The following COG5 variants were observed in gnomAD, a reference collection of about 807,000 sequenced individuals.
The protein encoded by COG5 is component of oligomeric golgi complex 5.
A neutral mutation model predicts 110.4 loss-of-function variants in COG5; 86 were observed. The observed-to-expected ratio is 0.78, with a 90% CI of 0.65 to 0.93. The LOEUF is 0.93. Among genes scored for constraint, COG5 ranks in the 40% least tolerant of loss-of-function variants. The pLI, the probability that COG5 is intolerant of heterozygous loss-of-function variation, is 0.00. For synonymous variants in COG5, 360 were observed against 334.6 expected (o/e 1.08, Z -0.83); for missense variants, 1,077 against 987.0 (o/e 1.09, Z -1.22).
chr7:107,476,879 C>T (rs1397978732), intron 6 of COG5, among the ~76,000 whole-genome samples: 1 of 151,258 alleles, frequency 6.6e-6, no homozygotes, highest in East Asian at 1.9e-4. Context: ...TACTGAATAC[C>T]CTAATCCTTG....
At chr7:107,240,768 G>C (rs937994103) in intron 17 of COG5, among the ~76,000 whole-genome samples, 1 of 152,158 alleles carries the variant, frequency 6.6e-6, no homozygotes, top group Admixed American at 6.5e-5. Flanking sequence ...TGCCATTACA[G>C]AATTACTAAT....
intron 17 of COG5, among the ~76,000 whole-genome samples, chr7:107,242,013 C>G (rs1343606080): frequency 1.3e-5 from 2 of 151,918 alleles, no homozygotes; most frequent in East Asian, 3.9e-4. Flanking sequence ...AATTCCTGAG[C>G]TCAAGCAGTC....
chr7:107,384,651 C>A (rs919174438), intron 7 of COG5, among the ~76,000 whole-genome samples: 3 of 152,104 alleles, frequency 2.0e-5, no homozygotes, highest in African/African-American at 7.2e-5. Context: ...AATGTCATGA[C>A]AAGGGGTTGG....
chr7:107,439,961 A>C (rs1044761983), intron 6 of COG5, among the ~76,000 whole-genome samples: 1 of 152,184 alleles, frequency 6.6e-6, no homozygotes, highest in African/African-American at 2.4e-5. Flanking sequence ...TAATCGACAC[A>C]CTGTCTACCC....
chr7:107,227,093 A>G (rs1335286632), intron 19 of COG5, among the ~76,000 whole-genome samples: 3 of 152,202 alleles, frequency 2.0e-5, no homozygotes, highest in Non-Finnish European at 4.4e-5. Flanking sequence ...CTGTCACTAG[A>G]GCAACTAAAG....
At chr7:107,466,834 T>G (rs1040684563) in intron 6 of COG5, among the ~76,000 whole-genome samples, 4 of 152,226 alleles carry the variant, frequency 2.6e-5, no homozygotes, top group African/African-American at 9.6e-5. Context: ...AAACTGATTT[T>G]CAGCAATTAA....
chr7:107,308,765 T>C (rs983590632), intron 11 of COG5, among the ~76,000 whole-genome samples: 4 of 152,142 alleles, frequency 2.6e-5, no homozygotes, highest in African/African-American at 9.7e-5. Flanking sequence ...TATTTCTTTA[T>C]TTGTATCACT....
chr7:107,530,063 A>T (rs1407104789), intron 5 of COG5, among the ~76,000 whole-genome samples: 1 of 152,210 alleles, frequency 6.6e-6, no homozygotes, highest in Non-Finnish European at 1.5e-5. Context: ...TACCCAACAA[A>T]GGGTATGCTC....
At chr7:107,301,359 A>T (rs963549880) in intron 11 of COG5, among the ~76,000 whole-genome samples, 2 of 152,198 alleles carry the variant, frequency 1.3e-5, no homozygotes, top group African/African-American at 4.8e-5. Flanking sequence ...CATATATCTG[A>T]TGAAGCACTT....
chr7:107,205,293 T>C lies in COG5; in HGVS notation c.2376-1663A>G, dbSNP rs561912833. ...ATTCCTGAAGGCTGGTTCCATGCTC[T>C]GGTCAGTGCCTAGACTCAACCCAAC... On this transcript the variant is annotated intron_variant, in intron 21 of 21. Transcript: ENST00000297135. Among the ~76,000 whole-genome samples the C allele has an allele frequency of 2.0e-5, 3 of 152,332 alleles. No individual in the cohort carries two copies. The East Asian group carries it at 5.8e-4, about 29-fold the overall frequency.
chr7:107,205,022 C>A (rs1218717375), intron 21 of COG5, among the ~76,000 whole-genome samples: 2 of 152,212 alleles, frequency 1.3e-5, no homozygotes, highest in Non-Finnish European at 2.9e-5. Context: ...CACATCCAGT[C>A]CCTCCTCTCC....
At chr7:107,497,223 C>T (rs558401495) in intron 6 of COG5, among the ~76,000 whole-genome samples, 1 of 152,188 alleles carries the variant, frequency 6.6e-6, no homozygotes, top group African/African-American at 2.4e-5. Flanking sequence ...CTCTACAAAA[C>T]AAACAAACGA....
At chr7:107,446,466 C>A (rs760162552) in intron 6 of COG5, among the ~76,000 whole-genome samples, 1 of 152,202 alleles carries the variant, frequency 6.6e-6, no homozygotes, top group Admixed American at 6.5e-5. Context: ...ATGATCCCTG[C>A]GTCCTGGTAA....
At chr7:107,300,052 T>A (rs1418459054) in intron 11 of COG5, among the ~76,000 whole-genome samples, 1 of 151,588 alleles carries the variant, frequency 6.6e-6, no homozygotes, top group Non-Finnish European at 1.5e-5. Context: ...TCAATGTGAT[T>A]CATATTTTAA....
intron 7 of COG5, among the ~76,000 whole-genome samples, chr7:107,394,118 C>T (rs567239152): frequency 3.3e-5 from 5 of 152,064 alleles, no homozygotes; most frequent in South Asian, 4.2e-4. Context: ...CCCGCCACCA[C>T]GCCCAGCTAA....
chr7:107,352,550 T>C (rs1178629828), intron 10 of COG5, among the ~76,000 whole-genome samples: 3 of 146,648 alleles, frequency 2.0e-5, no homozygotes, highest in African/African-American at 7.5e-5. Flanking sequence ...GGTTTATCCC[T>C]ATTCAATATT....
At position 107,554,267 on chromosome 7, in the gene COG5, C is replaced by A; in HGVS notation, c.292+18G>T. On this transcript the variant is annotated intron_variant, in intron 3 of 21. Coordinates refer to ENST00000297135, the MANE Select transcript of COG5 (RefSeq NM_006348.5). ...TGGTCTAGCTCTACATAATCTCTAGCAGTTATTAGAAATATACCTTCCAAC... is the reference window on the plus strand; with the variant it reads ...TGGTCTAGCTCTACATAATCTCTAGAAGTTATTAGAAATATACCTTCCAAC... 1 of 1,608,844 alleles carries A rather than the reference C, an allele frequency of 6.2e-7. No individual in the cohort carries two copies. The highest frequency in any genetic ancestry group is 8.5e-7 in the Non-Finnish European group (1 of 1,175,200).
chr7:107,234,841 T>A (rs1801054469), intron 18 of COG5, among the ~76,000 whole-genome samples: 1 of 151,702 alleles, frequency 6.6e-6, no homozygotes, highest in Non-Finnish European at 1.5e-5. Context: ...ATAAGCAATC[T>A]GGAACCCCAG....
At chr7:107,235,208 C>A (rs113279079) in intron 18 of COG5, among the ~76,000 whole-genome samples, 2,652 of 152,286 alleles carry the variant, frequency 0.017, 92 homozygotes, top group African/African-American at 0.056. Flanking sequence ...CTGACAACCA[C>A]TGACTTGATA....
Sources: allele counts gnomAD v4.1 joint callset (sites outside exome capture counted in the v4.1 genomes callset), GRCh38; gene constraint gnomAD v4.1.1; transcripts MANE v1.5; gene names NCBI Gene and HGNC (gene_info 2026-07-23, HGNC 2026-07-21).